TTPA: variants seen among roughly 807,000 people sequenced by gnomAD.
TTPA encodes alpha-tocopherol transfer protein.
TTPA carries 23 observed loss-of-function variants against 25.9 expected under a neutral mutation model. The observed-to-expected ratio is 0.89, with a 90% CI of 0.64 to 1.26. The LOEUF is 1.26. Among genes scored for constraint, TTPA ranks in the 50% most tolerant of loss-of-function variants. The pLI, the probability that TTPA is intolerant of heterozygous loss-of-function variation, is 0.00. For synonymous variants in TTPA, 148 were observed against 137.3 expected, an observed-to-expected ratio of 1.08 and a Z score of -0.54; for missense variants, 337 against 353.1, an observed-to-expected ratio of 0.95 and a Z score of 0.37.
intron 1 of TTPA, among the ~76,000 whole-genome samples, chr8:63,075,645 G>C (rs1805550230): frequency 6.8e-6 from 1 of 147,356 alleles, no homozygotes; most frequent in Non-Finnish European, 1.5e-5. Context: ...GTTGCAGTGA[G>C]CCGAGATTGC....
intron 4 of TTPA, among the ~76,000 whole-genome samples, chr8:63,062,185 A>T (rs1483385318): frequency 6.6e-6 from 1 of 152,194 alleles, no homozygotes; most frequent in Non-Finnish European, 1.5e-5. Flanking sequence ...GTCTAAAAAA[A>T]AAAAAAGAAT....
chr8:63,064,277 T>G lies in TTPA; in HGVS notation c.592A>C (p.Asn198His), dbSNP rs746600896. 2.5e-6 allele frequency: 4 copies of G among 1,613,218 alleles called. No homozygotes were observed. In the South Asian group the frequency reaches 4.4e-5, roughly 18 times the overall value. The change falls in exon 4 of 5, where the codon AAT becomes CAT. Residue 198 changes from asparagine to histidine, a missense_variant. Asn to His is a moderately conservative substitution (Grantham distance 68). Transcript: ENST00000260116. ...ACAGCATGGAAAATTACTGGTTCAT[T>G]TATCAAATGGATGCCACGAACTTTC... ...PLKVRGIHLI[N>H]EPVIFHAVFS...
chr8:63,077,013 A>C (rs1805573468), intron 1 of TTPA, among the ~76,000 whole-genome samples: 1 of 152,198 alleles, frequency 6.6e-6, no homozygotes, highest in African/African-American at 2.4e-5. Context: ...CCCAGAGGCA[A>C]TCAAAGACTA....
chr8:63,070,965 T>C (rs1308656663), intron 2 of TTPA, among the ~76,000 whole-genome samples: 1 of 144,938 alleles, frequency 6.9e-6, no homozygotes, highest in Admixed American at 7.0e-5. Flanking sequence ...ATACATACTT[T>C]AAAAAAACTG....
At chr8:63,081,935 G>A (rs944210363) in intron 1 of TTPA, among the ~76,000 whole-genome samples, 4 of 152,126 alleles carry the variant, frequency 2.6e-5, no homozygotes, top group Admixed American at 1.3e-4. Context: ...AACTTACAAG[G>A]AATGTGAAGG....
At chr8:63,081,407 T>C (rs186893119) in intron 1 of TTPA, among the ~76,000 whole-genome samples, 3 of 152,254 alleles carry the variant, frequency 2.0e-5, no homozygotes, top group East Asian at 1.9e-4. Context: ...ATTATCTCAA[T>C]AGATGCAGAA....
At chr8:63,082,539 C>G (rs1368702242) in intron 1 of TTPA, among the ~76,000 whole-genome samples, 1 of 152,126 alleles carries the variant, frequency 6.6e-6, no homozygotes, top group Non-Finnish European at 1.5e-5. Flanking sequence ...CATAAAAACC[C>G]TAGAAGAAAA....
Position 63,073,040 on chromosome 8 carries a change from C to T in TTPA, c.253G>A (p.Ala85Thr), listed in dbSNP as rs1805507157. 2.0e-6 allele frequency: 3 copies of T among 1,533,764 alleles called. No homozygotes were observed. The highest frequency in any genetic ancestry group is 2.6e-6 in the Non-Finnish European group (3 of 1,138,254). Residue 85 changes from alanine to threonine, a missense_variant, in exon 2 of 5, where the codon GCA (alanine) becomes ACA (threonine). Physicochemically the swap from Ala to Thr is moderately conservative, Grantham distance 58 (BLOSUM62 0). Coordinates refer to ENST00000260116, the MANE Select transcript of TTPA (RefSeq NM_000370.3). Reference protein sequence around the residue: ...KWRAECPEISADLHPRSIIGL... With the variant: ...KWRAECPEISTDLHPRSIIGL... ...ATAATACTTCTAGGGTGTAGATCTG[C>T]ACTTATTTCTGGACATTCTGCTCTC...
chr8:63,080,153 TG>T (rs1229416153), intron 1 of TTPA, among the ~76,000 whole-genome samples: 1 of 152,146 alleles, frequency 6.6e-6, no homozygotes, highest in Non-Finnish European at 1.5e-5. Flanking sequence ...CCAGAATCTC[TG>T]GGACACATTT....
chr8:63,062,130 G>A lies in TTPA; in HGVS notation c.664-705C>T, dbSNP rs1410030081. Among the ~76,000 whole-genome samples, 3 of 151,904 alleles carry A rather than the reference G, an allele frequency of 2.0e-5. No individual in the cohort carries two copies. The East Asian group carries it at 5.8e-4, about 29-fold the overall frequency. On this transcript the variant is annotated intron_variant, in intron 4 of 4. Transcript: ENST00000260116. ...GGATTGCTTGAGCCCAGGAGGTGGA[G>A]GTTGCAGTGAGCCAAGATCGTGCCA...
intron 1 of TTPA, among the ~76,000 whole-genome samples, chr8:63,082,269 G>C (rs1379443558): frequency 3.1e-4 from 47 of 152,280 alleles, no homozygotes; most frequent in Non-Finnish European, 2.2e-4. Flanking sequence ...AACCAAAACA[G>C]CATGGTACTG....
At chr8:63,071,977 A>C (rs1290168032) in intron 2 of TTPA, among the ~76,000 whole-genome samples, 1 of 152,196 alleles carries the variant, frequency 6.6e-6, no homozygotes, top group Non-Finnish European at 1.5e-5. Flanking sequence ...ATAGAAAAAA[A>C]GGGGATGCAA....
At chr8:63,084,103 C>T (rs562201082) in intron 1 of TTPA, among the ~76,000 whole-genome samples, 303 of 152,172 alleles carry the variant, frequency 2.0e-3, no homozygotes, top group Admixed American at 4.8e-3. Context: ...ACAGGCTGTT[C>T]GTGAGCTCCT....
chr8:63,061,441 C>G lies in TTPA; in HGVS notation c.664-16G>C, dbSNP rs1252737665. On this transcript the variant is annotated splice_polypyrimidine_tract_variant and intron_variant, in intron 4 of 4. Transcript: ENST00000260116. Reference sequence around the variant, plus strand: ...GCATGTGAATCTGAAATAGCCAAAACACTTTAGAAGGAAACCGCATTAGAT... The same window carrying G: ...GCATGTGAATCTGAAATAGCCAAAAGACTTTAGAAGGAAACCGCATTAGAT... The G allele has an allele frequency of 6.2e-7, 1 of 1,613,424 alleles. No homozygotes were observed. Among genetic ancestry groups the G allele is most frequent in the Non-Finnish European group, 8.5e-7 (1 of 1,179,760 alleles).
At chr8:63,065,027 A>T (rs1805367363) in intron 3 of TTPA, among the ~76,000 whole-genome samples, 1 of 152,208 alleles carries the variant, frequency 6.6e-6, no homozygotes, top group South Asian at 2.1e-4. Flanking sequence ...TGTTCCACTG[A>T]TACAATACAG....
At chr8:63,062,544 G>GT in intron 4 of TTPA, among the ~76,000 whole-genome samples, 1 of 152,240 alleles carries the variant, frequency 6.6e-6, no homozygotes, top group South Asian at 2.1e-4. Flanking sequence ...ATATTATCAG[G>GT]TAATTGAGAA....
intron 2 of TTPA, among the ~76,000 whole-genome samples, chr8:63,067,010 G>A (rs1321945238): frequency 2.0e-5 from 3 of 151,872 alleles, no homozygotes; most frequent in Admixed American, 6.6e-5. Context: ...AAGCCCAGGA[G>A]TTCAAGTCTA....
At chr8:63,080,480 G>A (rs1461344934) in intron 1 of TTPA, among the ~76,000 whole-genome samples, 1 of 152,138 alleles carries the variant, frequency 6.6e-6, no homozygotes, top group Non-Finnish European at 1.5e-5. Context: ...CCAGCACTTT[G>A]GGAGGCCAAG....
chr8:63,069,736 G>A (rs77922616), intron 2 of TTPA, among the ~76,000 whole-genome samples: 274 of 131,652 alleles, frequency 2.1e-3, no homozygotes, highest in Middle Eastern at 4.0e-3. Flanking sequence ...CCCTAGCTTA[G>A]AAAAAAAAAA....
Sources: allele counts gnomAD v4.1 joint callset (sites outside exome capture counted in the v4.1 genomes callset), GRCh38; gene constraint gnomAD v4.1.1; transcripts MANE v1.5; gene names NCBI Gene and HGNC (gene_info 2026-07-23, HGNC 2026-07-21).